The following BCAS3 variants were observed in gnomAD, a reference collection of about 807,000 sequenced individuals.
BCAS3 encodes BCAS3 microtubule associated cell migration factor.
In BCAS3, 53 loss-of-function variants were observed where a neutral mutation model predicts 116.1. The observed-to-expected ratio is 0.46, with a 90% CI of 0.37 to 0.57. BCAS3 has a LOEUF of 0.57. Ranked by LOEUF, BCAS3 falls within the 20% of genes least tolerant of loss-of-function variation. BCAS3 has a pLI of 0.00. For synonymous variants in BCAS3, 391 were observed against 408.2 expected (o/e 0.96, Z 0.51); for missense variants, 917 against 1,165.4 (o/e 0.79, Z 3.10).
At position 61,315,202 on chromosome 17, in the gene BCAS3, G is replaced by A. The variant is rs1337684261; in HGVS notation, c.2426-53125G>A. On this transcript the variant is annotated intron_variant, in intron 22 of 23. Coordinates refer to ENST00000407086, the MANE Select transcript of BCAS3 (RefSeq NM_017679.5). The surrounding 1 kb of genome is among the most constrained non-coding windows in gnomAD (Gnocchi z 5.3). Reference sequence around the variant, plus strand: ...GTGATCTCGGCTCACTGCAGCCTCCGCCTCCAGGTTAAAGCAATTCTCGTG... The same window carrying A: ...GTGATCTCGGCTCACTGCAGCCTCCACCTCCAGGTTAAAGCAATTCTCGTG... Among the ~76,000 whole-genome samples the A allele has an allele frequency of 1.3e-5, 2 of 151,940 alleles. No individual in the cohort carries two copies. The highest frequency in any genetic ancestry group is 2.9e-5 in the Non-Finnish European group (2 of 67,984).
intron 2 of BCAS3, among the ~76,000 whole-genome samples, chr17:60,680,296 AG>A (rs1174913396): frequency 6.6e-6 from 1 of 152,180 alleles, no homozygotes; most frequent in East Asian, 1.9e-4. Context: ...TTAACTTTTA[AG>A]TTCAAGGGTA....
rs181195734 is a variant in BCAS3 at position 61,219,919 on chromosome 17, G to A, written c.2425+135355G>A. Among the ~76,000 whole-genome samples, 2 of 152,286 alleles carry A rather than the reference G, an allele frequency of 1.3e-5. No homozygotes were observed. Among genetic ancestry groups the A allele is most frequent in the Admixed American group, 6.5e-5 (1 of 15,298 alleles). On this transcript the variant is annotated intron_variant, in intron 22 of 23. Coordinates refer to ENST00000407086, the MANE Select transcript of BCAS3 (RefSeq NM_017679.5). This position sits in a 1 kb window ranked among gnomAD's most constrained non-coding sequence, Gnocchi z 5.2. ...CAAGGCAGGTTATGGGGGGAGAGGA[G>A]TAGGGCAAGAAAGAGGGTCTAACCA... is the stretch of plus-strand genomic sequence containing the variant.
At position 61,215,167 on chromosome 17, in the gene BCAS3, G is replaced by T. The variant is rs1002823111; in HGVS notation, c.2425+130603G>T. Among the ~76,000 whole-genome samples the T allele has an allele frequency of 5.3e-5, 8 of 152,172 alleles. No individual in the cohort carries two copies. The highest frequency in any genetic ancestry group is 3.9e-4 in the Admixed American group (6 of 15,274). On this transcript the variant is annotated intron_variant, in intron 22 of 23. Transcript: ENST00000407086. The surrounding 1 kb of genome is among the most constrained non-coding windows in gnomAD (Gnocchi z 4.8). ...GAGCTTCCTGAAAATGGAGGACAAG[G>T]ATACATTTCACCTATGTCTTATGCT... is the stretch of plus-strand genomic sequence containing the variant.
intron 22 of BCAS3, among the ~76,000 whole-genome samples, chr17:61,320,655 G>A (rs1052752476): frequency 1.6e-4 from 24 of 148,758 alleles, no homozygotes; most frequent in African/African-American, 5.0e-4. Flanking sequence ...CAGCCTGGGC[G>A]ACAGAGCGAG....
chr17:61,254,820 C>T (rs2048663669), intron 22 of BCAS3, among the ~76,000 whole-genome samples: 1 of 148,730 alleles, frequency 6.7e-6, no homozygotes, highest in Non-Finnish European at 1.5e-5. Context: ...CTTTAAATAC[C>T]CAGTGAGTAT....
chr17:60,839,402 C>A (rs976264368), intron 7 of BCAS3, among the ~76,000 whole-genome samples: 4 of 152,018 alleles, frequency 2.6e-5, no homozygotes, highest in African/African-American at 7.2e-5. Context: ...ATTCCAACCC[C>A]AATTGTAATA....
chr17:61,037,885 G>T lies in BCAS3; in HGVS notation c.1763-4G>T. 1.2e-6 allele frequency: 2 copies of T among 1,612,674 alleles called. No homozygotes were observed. The highest frequency in any genetic ancestry group is 1.7e-6 in the Non-Finnish European group (2 of 1,179,264). On this transcript the variant is annotated splice_polypyrimidine_tract_variant and splice_region_variant and intron_variant, in intron 17 of 23. Coordinates refer to ENST00000407086, the MANE Select transcript of BCAS3 (RefSeq NM_017679.5). This position sits in a 1 kb window ranked among gnomAD's most constrained non-coding sequence, Gnocchi z 4.7. ...CACATCGGGTTCTGTTTCTCTGTTTGTAGATCAGTCCAAACAAGTTGTAGT... is the reference window on the plus strand; with the variant it reads ...CACATCGGGTTCTGTTTCTCTGTTTTTAGATCAGTCCAAACAAGTTGTAGT...
At chr17:60,859,520 C>T (rs985286745) in intron 7 of BCAS3, among the ~76,000 whole-genome samples, 3 of 151,704 alleles carry the variant, frequency 2.0e-5, no homozygotes, top group East Asian at 3.9e-4. Context: ...GCAAAGGACA[C>T]GATTTTGTTC....
chr17:60,887,572 G>A (rs943515259), intron 9 of BCAS3: 2 of 152,124 alleles, frequency 1.3e-5, no homozygotes, highest in African/African-American at 4.8e-5. Flanking sequence ...TTTGCATTTG[G>A]ATATCCAGTA....
intron 13 of BCAS3, among the ~76,000 whole-genome samples, chr17:60,939,431 C>CA (rs928080427): frequency 3.3e-5 from 5 of 150,138 alleles, no homozygotes; most frequent in South Asian, 2.1e-4. Flanking sequence ...GACTCCATCT[C>CA]AAAAAAAAGA....
intron 22 of BCAS3, among the ~76,000 whole-genome samples, chr17:61,341,306 G>A (rs1394806721): frequency 6.6e-6 from 1 of 152,200 alleles, no homozygotes; most frequent in Non-Finnish European, 1.5e-5. Context: ...TAAGGGATGA[G>A]AGAGAGAAGT....
At chr17:61,058,611 G>A (rs1178638508) in intron 19 of BCAS3, among the ~76,000 whole-genome samples, 2 of 152,182 alleles carry the variant, frequency 1.3e-5, no homozygotes, top group African/African-American at 2.4e-5. Context: ...TATAGTGTAT[G>A]TAAAGTAGCA....
chr17:61,067,737 A>C (rs925459747), intron 19 of BCAS3, among the ~76,000 whole-genome samples: 4 of 146,272 alleles, frequency 2.7e-5, no homozygotes, highest in African/African-American at 1.0e-4. Flanking sequence ...AAAAAAAAAA[A>C]AAAATATATA....
Position 61,037,852 on chromosome 17 carries a change from C to T in BCAS3, c.1763-37C>T. The T allele has an allele frequency of 2.5e-6, 4 of 1,584,778 alleles. No homozygotes were observed. The highest frequency in any genetic ancestry group is 3.5e-6 in the Non-Finnish European group (4 of 1,156,892). On this transcript the variant is annotated intron_variant, in intron 17 of 23. Transcript: ENST00000407086. The surrounding 1 kb of genome is among the most constrained non-coding windows in gnomAD (Gnocchi z 4.7). The stretch of plus-strand genomic sequence containing the variant: ...AAATTATTCTGTGCTCCATTTATGC[C>T]ATCATAACACATCGGGTTCTGTTTC...
chr17:60,731,187 A>T (rs577771332), intron 5 of BCAS3, among the ~76,000 whole-genome samples: 14 of 152,248 alleles, frequency 9.2e-5, no homozygotes, highest in Admixed American at 7.2e-4. Flanking sequence ...TAGCAAATTG[A>T]TAACTATACA....
intron 19 of BCAS3, among the ~76,000 whole-genome samples, chr17:61,044,465 A>AAAAATATATATATATAT: frequency 1.5e-3 from 183 of 120,010 alleles, no homozygotes; most frequent in African/African-American, 8.8e-3. Flanking sequence ...AAAAAAAAAA[A>AAAAATATATATATATAT]ATATATATAT....
chr17:60,697,004 T>C (rs952535057), intron 4 of BCAS3, among the ~76,000 whole-genome samples: 25 of 151,584 alleles, frequency 1.6e-4, no homozygotes, highest in Admixed American at 1.6e-3. Context: ...CTGGGCAACA[T>C]GGCAAAACCC....
Position 61,007,628 on chromosome 17 carries a change from A to G in BCAS3, c.1487-8123A>G, listed in dbSNP as rs1410942858. 6.6e-6 allele frequency among the ~76,000 whole-genome samples: 1 copy of G among 152,002 alleles called. No individual in the cohort carries two copies. Among genetic ancestry groups the G allele is most frequent in the Non-Finnish European group, 1.5e-5 (1 of 67,956 alleles). On this transcript the variant is annotated intron_variant, in intron 15 of 23. Coordinates refer to ENST00000407086, the MANE Select transcript of BCAS3 (RefSeq NM_017679.5). This position sits in a 1 kb window ranked among gnomAD's most constrained non-coding sequence, Gnocchi z 4.3. ...TAGTGACATTTAATAAGCCCTAGGC[A>G]AAGCTCCATGCAGGCTACTTTGTAT...
intron 6 of BCAS3, among the ~76,000 whole-genome samples, chr17:60,793,644 C>T (rs117746316): frequency 0.015 from 2,238 of 152,242 alleles, 13 homozygotes; most frequent in Middle Eastern, 0.037. Flanking sequence ...TTAGTGAGAA[C>T]ATATGATGGT....
Sources: allele counts gnomAD v4.1 joint callset (sites outside exome capture counted in the v4.1 genomes callset), GRCh38; gene constraint gnomAD v4.1.1; non-coding constraint Gnocchi (gnomAD v3.1); transcripts MANE v1.5; gene names NCBI Gene and HGNC (gene_info 2026-07-23, HGNC 2026-07-21).